CD55: variants seen among roughly 807,000 people sequenced by gnomAD.
CD55 encodes complement decay-accelerating factor.
CD55 carries 41 observed loss-of-function variants against 45.8 expected under a neutral mutation model. The observed-to-expected ratio is 0.90, with a 90% CI of 0.70 to 1.16. The LOEUF is 1.16. Ranked by LOEUF, CD55 falls within the 50% of genes most tolerant of loss-of-function variation. The pLI, the probability that CD55 is intolerant of heterozygous loss-of-function variation, is 0.00. For synonymous variants in CD55, 181 were observed against 181.1 expected, an observed-to-expected ratio of 1.00 and a Z score of 0.01; for missense variants, 416 against 469.8, an observed-to-expected ratio of 0.89 and a Z score of 1.06.
At chr1:207,341,638 G>T (rs533967571) in intron 9 of CD55, among the ~76,000 whole-genome samples, 1 of 152,214 alleles carries the variant, frequency 6.6e-6, no homozygotes, top group East Asian at 1.9e-4. Context: ...CCAATACCAT[G>T]CTGTTTTTGG....
At position 207,359,793 on chromosome 1, in the gene CD55, A is replaced by G. The variant is rs1170212127; in HGVS notation, c.*183A>G. On this transcript the variant is annotated 3_prime_UTR_variant, in exon 10 of 10. Transcript: ENST00000367064. ...AGAAAAAAGGCAGTCCTGGAATCAC[A>G]TTCTTAGCACACCTACACCTCTTGA... 1 of 615,338 alleles carries G rather than the reference A, an allele frequency of 1.6e-6. No individual in the cohort carries two copies. Among genetic ancestry groups the G allele is most frequent in the African/African-American group, 1.9e-5 (1 of 51,522 alleles). The allele number at this position is 615,338 out of a possible 1,614,324, so 38.1% of individuals were successfully genotyped here.
chr1:207,330,105 A>T (rs1280697927), intron 5 of CD55, among the ~76,000 whole-genome samples: 2 of 152,194 alleles, frequency 1.3e-5, no homozygotes, highest in Non-Finnish European at 2.9e-5. Flanking sequence ...TTATAAAAAA[A>T]TGCCTGGCGT....
chr1:207,342,728 A>C (rs1179285273), intron 9 of CD55, among the ~76,000 whole-genome samples: 1 of 152,042 alleles, frequency 6.6e-6, no homozygotes, highest in Admixed American at 6.5e-5. Context: ...AGTTAGGGAA[A>C]GTTTCCTCCT....
intron 9 of CD55, chr1:207,354,240 G>C: frequency 7.7e-7 from 1 of 1,296,694 alleles, no homozygotes; most frequent in Non-Finnish European, 9.8e-7. Flanking sequence ...TTAAAATTAT[G>C]GCCTGAATCT....
intron 5 of CD55, among the ~76,000 whole-genome samples, chr1:207,328,099 T>G (rs1188232837): frequency 6.6e-6 from 1 of 152,194 alleles, no homozygotes; most frequent in Admixed American, 6.5e-5. Context: ...TGTCATGAAT[T>G]TGACAGAAAT....
intron 9 of CD55, among the ~76,000 whole-genome samples, chr1:207,358,009 AT>A (rs1297407406): frequency 6.6e-6 from 1 of 152,144 alleles, no homozygotes. Flanking sequence ...CTATTTTCAG[AT>A]TGCAGTTGAC....
At chr1:207,342,128 T>C (rs569531677) in intron 9 of CD55, among the ~76,000 whole-genome samples, 1 of 152,180 alleles carries the variant, frequency 6.6e-6, no homozygotes, top group East Asian at 1.9e-4. Context: ...GATCTAAGAG[T>C]TTTTGGTGAA....
At chr1:207,323,400 C>T (rs28371596) in intron 2 of CD55, among the ~76,000 whole-genome samples, 26 of 151,934 alleles carry the variant, frequency 1.7e-4, no homozygotes, top group Non-Finnish European at 2.8e-4. Context: ...TGGGGGCTAA[C>T]ACAGTAACCG....
chr1:207,354,946 A>G (rs1304910157), intron 9 of CD55, among the ~76,000 whole-genome samples: 2 of 152,194 alleles, frequency 1.3e-5, no homozygotes, highest in African/African-American at 4.8e-5. Context: ...GTCTTGATTT[A>G]GTATTCAAAT....
At chr1:207,352,103 A>AT (rs911450134) in intron 9 of CD55, among the ~76,000 whole-genome samples, 14 of 151,562 alleles carry the variant, frequency 9.2e-5, no homozygotes, top group South Asian at 2.1e-4. Context: ...GAAGTATTTG[A>AT]TTTTTTTTTC....
chr1:207,340,782 G>T, intron 9 of CD55: 1 of 444,706 alleles, frequency 2.2e-6, no homozygotes, highest in South Asian at 4.7e-5. Context: ...TTGATATATT[G>T]GTTTTATTTT....
intron 9 of CD55, chr1:207,340,668 C>A: frequency 1.7e-6 from 1 of 578,330 alleles, no homozygotes; most frequent in Non-Finnish European, 3.1e-6. Context: ...CACCTGGCCC[C>A]ACATTTTCTT....
chr1:207,352,232 C>G (rs1231289075), intron 9 of CD55, among the ~76,000 whole-genome samples: 1 of 151,082 alleles, frequency 6.6e-6, no homozygotes, highest in Non-Finnish European at 1.5e-5. Flanking sequence ...ATAAGTGTTT[C>G]CCAATTTTTT....
intron 2 of CD55, among the ~76,000 whole-genome samples, chr1:207,323,030 A>G (rs1360667000): frequency 6.6e-6 from 1 of 152,104 alleles, no homozygotes; most frequent in African/African-American, 2.4e-5. Context: ...GCACATGCAT[A>G]CAGTGTGTCA....
intron 9 of CD55, chr1:207,347,512 G>A (rs1357346026): frequency 5.4e-5 from 15 of 279,442 alleles, no homozygotes; most frequent in South Asian, 3.0e-4. Context: ...TGCCTGCCTC[G>A]GCCTCCCAAA....
In CD55 at chr1:207,321,813, G is replaced by C; in HGVS notation, c.48G>C (p.Gly16=). 1 of 1,528,446 alleles carries C rather than the reference G, an allele frequency of 6.5e-7. No individual in the cohort carries two copies. The highest frequency in any genetic ancestry group is 8.7e-7 in the Non-Finnish European group (1 of 1,143,508). The allele number at this position is 1,528,446 out of a possible 1,614,324, so 94.7% of individuals were successfully genotyped here. ...TGCCCGCGGCGCTGCCCCTCCTCGG[G>C]GAGCTGCCCCGGCTGCTGCTGCTGG... ...PSVPAALPLL[G]ELPRLLLLVL... The change falls in exon 1 of 10, where the codon GGG becomes GGC. Residue 16 remains glycine, a synonymous_variant. Coordinates refer to ENST00000367064, the MANE Select transcript of CD55 (RefSeq NM_000574.5).
chr1:207,337,725 CA>C (rs1262953755), intron 8 of CD55: 3 of 221,578 alleles, frequency 1.4e-5, no homozygotes, highest in African/African-American at 6.9e-5. Context: ...AAGACCCCTT[CA>C]AAGAACCAAA....
chr1:207,340,989 T>C (rs1655402856), intron 9 of CD55, among the ~76,000 whole-genome samples: 1 of 152,198 alleles, frequency 6.6e-6, no homozygotes, highest in Non-Finnish European at 1.5e-5. Flanking sequence ...CCATTCTAAC[T>C]GAGGTTAAGA....
chr1:207,357,345 T>G (rs1329517186), intron 9 of CD55, among the ~76,000 whole-genome samples: 1 of 152,112 alleles, frequency 6.6e-6, no homozygotes, highest in African/African-American at 2.4e-5. Flanking sequence ...CAGTTAGTAC[T>G]AAGTCATCTA....
Sources: gnomAD v4.1 joint callset for allele counts (sites outside exome capture counted in the v4.1 genomes callset) on GRCh38, gnomAD v4.1.1 for gene constraint, MANE v1.5 for transcripts, NCBI Gene and HGNC (gene_info 2026-07-23, HGNC 2026-07-21) for gene names.